Variants in PTPRQ observed in about 807,000 individuals in gnomAD.
The protein encoded by PTPRQ is protein tyrosine phosphatase receptor type Q, also known as phosphatidylinositol phosphatase PTPRQ.
A neutral mutation model predicts 246.0 loss-of-function variants in PTPRQ; 199 were observed. The observed-to-expected ratio is 0.81, with a 90% CI of 0.72 to 0.91. The LOEUF is 0.91. Among genes scored for constraint, PTPRQ ranks in the 40% least tolerant of loss-of-function variants. PTPRQ has a pLI of 0.00. For synonymous variants in PTPRQ, 869 were observed against 853.2 expected (o/e 1.02, Z -0.32); for missense variants, 2,624 against 2,528.4 (o/e 1.04, Z -0.81).
rs1274232201 is a variant in PTPRQ at position 80,495,227 on chromosome 12, A to G, written c.1738A>G (p.Ile580Val). 3.2e-6 allele frequency: 5 copies of G among 1,539,036 alleles called. No individual in the cohort carries two copies. In the East Asian group the frequency reaches 9.8e-5, roughly 30 times the overall value. Residue 580 changes from isoleucine (I) to valine (V), a missense_variant, in exon 12 of 45, where the codon ATT becomes GTT. Coordinates refer to ENST00000644991, the MANE Select transcript of PTPRQ (RefSeq NM_001145026.2). ...CATTAAAATTATAAACTATAAAAAT[A>G]TTAGTTCTTCATCTATTTTGTTATA... Reference protein sequence around the residue: ...SSIKIINYKNISSSSILLYWD... With the variant: ...SSIKIINYKNVSSSSILLYWD...
chr12:80,597,616 C>T (rs1898011526), intron 26 of PTPRQ, among the ~76,000 whole-genome samples: 1 of 151,998 alleles, frequency 6.6e-6, no homozygotes. Flanking sequence ...CCAATCCACT[C>T]ATTTCTAAGA....
chr12:80,564,989 CA>C (rs564900307), intron 25 of PTPRQ, among the ~76,000 whole-genome samples: 5 of 151,366 alleles, frequency 3.3e-5, no homozygotes, highest in East Asian at 1.9e-4. Context: ...ATTTAAAATT[CA>C]AAAAAAACTA....
At chr12:80,630,701 T>C (rs950441058) in intron 33 of PTPRQ, among the ~76,000 whole-genome samples, 47 of 152,194 alleles carry the variant, frequency 3.1e-4, no homozygotes, top group Admixed American at 2.1e-3. Context: ...ACTATTTCGT[T>C]AGAAATACTG....
intron 8 of PTPRQ, among the ~76,000 whole-genome samples, chr12:80,474,185 G>A (rs760193080): frequency 5.9e-5 from 9 of 152,160 alleles, no homozygotes; most frequent in Non-Finnish European, 1.0e-4. Context: ...TAACTCATTA[G>A]AACTATCTTT....
chr12:80,651,537 A>G (rs1221625387), intron 37 of PTPRQ, among the ~76,000 whole-genome samples: 1 of 152,032 alleles, frequency 6.6e-6, no homozygotes, highest in African/African-American at 2.4e-5. Context: ...AAGCAATAGG[A>G]GAAAGAGCTA....
intron 9 of PTPRQ, among the ~76,000 whole-genome samples, chr12:80,492,570 C>T (rs1436509452): frequency 6.6e-6 from 1 of 151,948 alleles, no homozygotes; most frequent in African/African-American, 2.4e-5. Flanking sequence ...ATCTAGTTAG[C>T]TCAATGAAAA....
At chr12:80,602,479 G>A (rs1189178911) in intron 26 of PTPRQ, among the ~76,000 whole-genome samples, 1 of 151,746 alleles carries the variant, frequency 6.6e-6, no homozygotes, top group Non-Finnish European at 1.5e-5. Context: ...GAAGCTGGGA[G>A]GTCCAAGATG....
chr12:80,554,078 A>G (rs373483266), intron 25 of PTPRQ, among the ~76,000 whole-genome samples: 145 of 146,276 alleles, frequency 9.9e-4, no homozygotes, highest in African/African-American at 3.0e-3. Flanking sequence ...TAGGAGGGGC[A>G]GGGGGGGTAG....
At chr12:80,583,212 A>G (rs904787025) in intron 25 of PTPRQ, among the ~76,000 whole-genome samples, 6 of 152,236 alleles carry the variant, frequency 3.9e-5, no homozygotes, top group Non-Finnish European at 8.8e-5. Flanking sequence ...CACACATTCA[A>G]AAAACATTTA....
At chr12:80,651,628 A>G (rs1198360741) in intron 37 of PTPRQ, among the ~76,000 whole-genome samples, 1 of 152,134 alleles carries the variant, frequency 6.6e-6, no homozygotes, top group Non-Finnish European at 1.5e-5. Context: ...CAATCAACCT[A>G]GTGTTTGAGC....
intron 8 of PTPRQ, among the ~76,000 whole-genome samples, chr12:80,479,890 A>G (rs1329669576): frequency 6.6e-6 from 1 of 152,010 alleles, no homozygotes; most frequent in East Asian, 1.9e-4. Flanking sequence ...TGAGTGACCT[A>G]CAAAGAGACT....
Position 80,619,378 on chromosome 12 carries a change from T to C in PTPRQ, c.5231-6T>C. ...AATTGCAGTGATATTTCTTCTTTGTTTATAGCTCCAGCACGACCAAAAACC... is the reference window on the plus strand; with the variant it reads ...AATTGCAGTGATATTTCTTCTTTGTCTATAGCTCCAGCACGACCAAAAACC... On this transcript the variant is annotated splice_polypyrimidine_tract_variant and splice_region_variant and intron_variant, in intron 30 of 44. Transcript: ENST00000644991. The C allele has an allele frequency of 6.5e-7, 1 of 1,546,076 alleles. No homozygotes were observed. Among genetic ancestry groups the C allele is most frequent in the Non-Finnish European group, 8.7e-7 (1 of 1,143,664 alleles).
chr12:80,467,612 G>A (rs1478341240), intron 6 of PTPRQ, among the ~76,000 whole-genome samples: 5 of 152,038 alleles, frequency 3.3e-5, no homozygotes, highest in African/African-American at 9.7e-5. Flanking sequence ...CAACCCAAAT[G>A]TCCAACAATG....
intron 25 of PTPRQ, among the ~76,000 whole-genome samples, chr12:80,585,429 T>A (rs1015482729): frequency 4.6e-5 from 7 of 152,186 alleles, no homozygotes; most frequent in Non-Finnish European, 8.8e-5. Context: ...TGTGTTGACA[T>A]TGCAGTTGCC....
At chr12:80,468,246 A>G (rs981807242) in intron 6 of PTPRQ, among the ~76,000 whole-genome samples, 1 of 152,158 alleles carries the variant, frequency 6.6e-6, no homozygotes, top group African/African-American at 2.4e-5. Flanking sequence ...ATATTGATAC[A>G]AAAAGTAAAA....
intron 33 of PTPRQ, among the ~76,000 whole-genome samples, chr12:80,625,762 CTAAA>C (rs1899180417): frequency 6.6e-6 from 1 of 152,046 alleles, no homozygotes; most frequent in Admixed American, 6.5e-5. Flanking sequence ...TATTTTAATC[CTAAA>C]TAAATACTTG....
intron 30 of PTPRQ, among the ~76,000 whole-genome samples, chr12:80,617,290 C>T (rs1178800663): frequency 6.6e-6 from 1 of 151,162 alleles, no homozygotes; most frequent in Non-Finnish European, 1.5e-5. Flanking sequence ...TGCCTGGAAA[C>T]ATGTACTATT....
intron 43 of PTPRQ, among the ~76,000 whole-genome samples, chr12:80,675,168 C>T (rs1005401164): frequency 2.6e-4 from 39 of 152,130 alleles, no homozygotes; most frequent in African/African-American, 8.9e-4. Context: ...CATGGGTAGG[C>T]AACATGGGTA....
At chr12:80,444,893 G>T in intron 2 of PTPRQ, 44 bp downstream of exon 2, 1 of 1,460,686 alleles carries the variant, frequency 6.8e-7, no homozygotes. Flanking sequence ...AGTATTTGGA[G>T]TCAGTATAAT....
Sources: gnomAD v4.1 joint callset for allele counts (sites outside exome capture counted in the v4.1 genomes callset) on GRCh38, gnomAD v4.1.1 for gene constraint, MANE v1.5 for transcripts, NCBI Gene and HGNC (gene_info 2026-07-23, HGNC 2026-07-21) for gene names.